CALCRL: variants seen among roughly 807,000 people sequenced by gnomAD.
CALCRL encodes the protein calcitonin gene-related peptide type 1 receptor.
Under a neutral mutation model 60.4 loss-of-function variants are expected in CALCRL, and 27 were observed. That is an observed-to-expected ratio of 0.45 (90% CI 0.33 to 0.62). CALCRL has a LOEUF of 0.62. Ranked by LOEUF, CALCRL falls within the 20% of genes least tolerant of loss-of-function variation. The pLI, the probability that CALCRL is intolerant of heterozygous loss-of-function variation, is 0.03. For missense variants in CALCRL, 424 were observed against 540.7 expected (o/e 0.78, Z 2.14); for synonymous variants, 190 against 182.6 (o/e 1.04, Z -0.33).
chr2:187,345,962 G>C lies in CALCRL; in HGVS notation c.*222C>G. The C allele has an allele frequency of 4.7e-6, 2 of 421,258 alleles. 1 individual carries two copies. The highest frequency in any genetic ancestry group is 8.1e-5 in the East Asian group (2 of 24,772). 26.1% of individuals were successfully genotyped at this position (421,258 alleles called of 1,614,324 possible). On this transcript the variant is annotated 3_prime_UTR_variant, in exon 15 of 15. Transcript: ENST00000392370. ...GGTTAGTAGCGTCACATCAGGCATA[G>C]TGGGAGTATTTACTGACAAACATTA...
chr2:187,348,964 G>A (rs1252509524), intron 14 of CALCRL, among the ~76,000 whole-genome samples: 2 of 151,628 alleles, frequency 1.3e-5, no homozygotes, highest in African/African-American at 4.8e-5. Flanking sequence ...TAAGGCAAAT[G>A]TTTAGAATGT....
rs147597275 is a variant in CALCRL, at chr2:187,381,296, T to A, written c.185-509A>T. 6.4e-4 allele frequency among the ~76,000 whole-genome samples: 98 copies of A among 152,276 alleles called. No homozygotes were observed. In the East Asian group the frequency reaches 0.018, roughly 28 times the overall value. Reference sequence around the variant, plus strand: ...CCCTCCACCAAATTCTGACTCTTCATTCCTTTTCTTTTCAAATAAGGTAGA... The same window carrying A: ...CCCTCCACCAAATTCTGACTCTTCAATCCTTTTCTTTTCAAATAAGGTAGA... On this transcript the variant is annotated intron_variant, in intron 5 of 14. Coordinates refer to ENST00000392370, the MANE Select transcript of CALCRL (RefSeq NM_005795.6).
intron 1 of CALCRL, among the ~76,000 whole-genome samples, chr2:187,402,122 G>A (rs1485047255): frequency 1.3e-5 from 2 of 151,118 alleles, no homozygotes; most frequent in African/African-American, 4.9e-5. Flanking sequence ...TGTTTCTCTG[G>A]TGTGTCTCAA....
Position 187,363,466 on chromosome 2 carries a change from A to G in CALCRL, c.537T>C (p.Asn179=). ...AGTTACAAACAAATGAGAAGAACAG[A>G]TTTTTGTGTAAGGTAATCCTTTGGC... ...LSCQRITLHK[N]LFFSFVCNSV... Residue 179 remains asparagine, a synonymous_variant, in exon 9 of 15, where the codon AAT becomes AAC. Transcript: ENST00000392370. The G allele has an allele frequency of 1.2e-6, 2 of 1,608,048 alleles. No individual in the cohort carries two copies. The highest frequency in any genetic ancestry group is 1.7e-6 in the Non-Finnish European group (2 of 1,177,040).
chr2:187,375,210 T>C (rs1479616950), intron 8 of CALCRL, among the ~76,000 whole-genome samples: 1 of 144,756 alleles, frequency 6.9e-6, no homozygotes, highest in African/African-American at 2.6e-5. Context: ...AAGCGGAGCT[T>C]GCAGTGAGCC....
At chr2:187,386,629 T>G (rs1407488684) in intron 3 of CALCRL, among the ~76,000 whole-genome samples, 1 of 151,898 alleles carries the variant, frequency 6.6e-6, no homozygotes, top group Non-Finnish European at 1.5e-5. Context: ...AATGCTGGAG[T>G]GTTTTTCCAA....
chr2:187,372,180 T>A (rs976478563), intron 8 of CALCRL, among the ~76,000 whole-genome samples: 6 of 151,888 alleles, frequency 4.0e-5, no homozygotes, highest in Non-Finnish European at 5.9e-5. Context: ...TTTTTCCCTA[T>A]AAAAGTTGGG....
At position 187,364,836 on chromosome 2, in the gene CALCRL, C is replaced by A. The variant is rs1190686652; in HGVS notation, c.501-1334G>T. Among the ~76,000 whole-genome samples the A allele has an allele frequency of 2.0e-5, 3 of 152,162 alleles. No individual in the cohort carries two copies. The East Asian group carries it at 5.8e-4, about 29-fold the overall frequency. On this transcript the variant is annotated intron_variant, in intron 8 of 14. Transcript: ENST00000392370. ...AGACTTCTATGAAGGGATTCATGGG[C>A]AAGATGGCTCTTGGAATGATTGCTG...
chr2:187,447,376 T>C (rs976897969), intron 1 of CALCRL, among the ~76,000 whole-genome samples: 1 of 151,944 alleles, frequency 6.6e-6, no homozygotes, highest in Non-Finnish European at 1.5e-5. Context: ...TCTAGGTTTT[T>C]TTTTTTCTTT....
In CALCRL at chr2:187,342,869, C is replaced by A; in HGVS notation, c.*3315G>T. ...CATTAATTAATGAGTTAAACGAAAT[C>A]TTTGAAACATTTTCATTTTATATTT... is the stretch of plus-strand genomic sequence containing the variant. On this transcript the variant is annotated 3_prime_UTR_variant, in exon 15 of 15. Coordinates refer to ENST00000392370, the MANE Select transcript of CALCRL (RefSeq NM_005795.6). Among the ~76,000 whole-genome samples the A allele has an allele frequency of 1.3e-5, 2 of 151,550 alleles. No individual in the cohort carries two copies. Among genetic ancestry groups the A allele is most frequent in the Middle Eastern group, 3.5e-3 (1 of 286 alleles).
chr2:187,381,111 C>A (rs1687968750), intron 5 of CALCRL, among the ~76,000 whole-genome samples: 1 of 152,042 alleles, frequency 6.6e-6, no homozygotes, highest in African/African-American at 2.4e-5. Context: ...TGATTAGCGT[C>A]CCTATGCTTA....
At chr2:187,389,072 T>TA (rs1559056382) in intron 1 of CALCRL, among the ~76,000 whole-genome samples, 2 of 150,250 alleles carry the variant, frequency 1.3e-5, no homozygotes, top group Non-Finnish European at 3.0e-5. Flanking sequence ...TCTTCTTCTT[T>TA]TTTTTTTTTT....
intron 7 of CALCRL, among the ~76,000 whole-genome samples, chr2:187,380,074 G>A (rs1377699811): frequency 2.0e-5 from 3 of 152,196 alleles, no homozygotes; most frequent in Admixed American, 6.5e-5. Context: ...TCTGCTGAGG[G>A]AGGGACAGGA....
intron 7 of CALCRL, among the ~76,000 whole-genome samples, chr2:187,379,489 C>G (rs1449561375): frequency 6.6e-6 from 1 of 152,096 alleles, no homozygotes; most frequent in Non-Finnish European, 1.5e-5. Flanking sequence ...AGAGACAAAT[C>G]TCAATTTGTT....
At chr2:187,402,013 A>C (rs1370210908) in intron 1 of CALCRL, among the ~76,000 whole-genome samples, 2 of 151,616 alleles carry the variant, frequency 1.3e-5, no homozygotes, top group East Asian at 1.9e-4. Flanking sequence ...GGAAGGCAGG[A>C]AGGAAGGAGA....
intron 5 of CALCRL, among the ~76,000 whole-genome samples, chr2:187,381,464 C>CT (rs572106327): frequency 0.02 from 2,956 of 146,620 alleles, 94 homozygotes; most frequent in African/African-American, 0.067. Context: ...AAGTAATTTT[C>CT]TTTTTTTTTT....
chr2:187,344,628 A>G lies in CALCRL; in HGVS notation c.*1556T>C, dbSNP rs1349061497. 1 of 151,688 alleles carries G rather than the reference A, an allele frequency of 6.6e-6. No individual in the cohort carries two copies. The highest frequency in any genetic ancestry group is 6.6e-5 in the Admixed American group (1 of 15,174). The allele number at this position is 151,688 out of a possible 1,614,324, so 9.4% of individuals were successfully genotyped here. On this transcript the variant is annotated 3_prime_UTR_variant, in exon 15 of 15. Transcript: ENST00000392370. ...TAAAGTCTGACAATAATTCAGTAAG[A>G]TCTGACAATAATTTTTTCTCAATGA...
At chr2:187,362,609 A>G (rs890474414) in intron 9 of CALCRL, among the ~76,000 whole-genome samples, 1 of 151,912 alleles carries the variant, frequency 6.6e-6, no homozygotes, top group African/African-American at 2.4e-5. Flanking sequence ...TAAATATCCC[A>G]TAAACATTAT....
At chr2:187,404,110 G>C (rs1341934810) in intron 1 of CALCRL, among the ~76,000 whole-genome samples, 1 of 151,616 alleles carries the variant, frequency 6.6e-6, no homozygotes, top group African/African-American at 2.4e-5. Context: ...AAATTGTTGT[G>C]CCAAGCACTT....
Sources: gnomAD v4.1 joint callset for allele counts (sites outside exome capture counted in the v4.1 genomes callset) on GRCh38, gnomAD v4.1.1 for gene constraint, MANE v1.5 for transcripts, NCBI Gene and HGNC (gene_info 2026-07-23, HGNC 2026-07-21) for gene names.